TMCO6: variants seen among roughly 807,000 people sequenced by gnomAD.
TMCO6 encodes transmembrane and coiled-coil domains 6.
A neutral mutation model predicts 61.8 loss-of-function variants in TMCO6; 47 were observed. That is an observed-to-expected ratio of 0.76 (90% CI 0.60 to 0.97). The LOEUF (loss-of-function observed/expected upper bound fraction) is 0.97, where lower values mean the gene tolerates loss of function less well. Ranked by LOEUF, TMCO6 falls within the 50% of genes least tolerant of loss-of-function variation. TMCO6 has a pLI of 0.00. For synonymous variants in TMCO6, 261 were observed against 254.2 expected (o/e 1.03, Z -0.25); for missense variants, 557 against 601.6 (o/e 0.93, Z 0.78).
the TMCO6 span, chr5:140,631,823 A>G: frequency 6.6e-7 from 1 of 1,515,178 alleles, no homozygotes; most frequent in Non-Finnish European, 8.9e-7. Flanking sequence ...AAGCCAAGGC[A>G]GTTTGAGTCC....
chr5:140,644,992 A>G lies in TMCO6; in HGVS notation c.1376A>G (p.Gln459Arg). The G allele has an allele frequency of 6.2e-7, 1 of 1,614,130 alleles. No homozygotes were observed. Among genetic ancestry groups the G allele is most frequent in the Non-Finnish European group, 8.5e-7 (1 of 1,180,010 alleles). The change falls in exon 12 of 12, where the codon CAG becomes CGG. Residue 459 changes from glutamine to arginine, a missense_variant. By Grantham distance (43) the Gln-to-Arg change is conservative. Coordinates refer to ENST00000394671, the MANE Select transcript of TMCO6 (RefSeq NM_018502.5). Reference sequence around the variant, plus strand: ...TTTCTTCCCTGCCCCTAGGCTGTTCAGGTCTTCCTGCAGCAGTCAGGGCTG... The same window carrying G: ...TTTCTTCCCTGCCCCTAGGCTGTTCGGGTCTTCCTGCAGCAGTCAGGGCTG... ...LLFLYQPEAV[Q>R]VFLQQSGLQA...
At chr5:140,626,521 C>G in the TMCO6 span, among the ~76,000 whole-genome samples, 2 of 152,200 alleles carry the variant, frequency 1.3e-5, no homozygotes, top group African/African-American at 2.4e-5. Context: ...CTGGCTCAGC[C>G]TCCCAAGTGT....
chr5:140,613,676 T>A, the TMCO6 span, among the ~76,000 whole-genome samples: 4 of 152,142 alleles, frequency 2.6e-5, no homozygotes, highest in African/African-American at 9.7e-5. Context: ...CGTCTACTGT[T>A]TCTATCTTCA....
Position 140,641,980 on chromosome 5 carries a change from C to T in TMCO6, c.425C>T (p.Thr142Ile), listed in dbSNP as rs748723490. 7 of 1,613,750 alleles carry T rather than the reference C, an allele frequency of 4.3e-6. No homozygotes were observed. In the Admixed American group the frequency reaches 5.0e-5, roughly 12 times the overall value. ...GAGCTCTCTCACTCCGAGCAGTCCA[C>T]TGTTGCTGAGGCCTGCCTGCCAGCC... ...LHELSHSEQSTVAEACLPATS... is the reference protein window; with the variant it reads ...LHELSHSEQSIVAEACLPATS... The change falls in exon 4 of 12, where the codon ACT becomes ATT. Residue 142 changes from threonine to isoleucine, a missense_variant. Physicochemically the swap from Thr to Ile is moderately conservative, Grantham distance 89. Transcript: ENST00000394671.
chr5:140,616,508 G>A, the TMCO6 span, among the ~76,000 whole-genome samples: 2 of 152,178 alleles, frequency 1.3e-5, no homozygotes, highest in African/African-American at 4.8e-5. Flanking sequence ...GTTGCAGTGA[G>A]CTATGATCAC....
At chr5:140,620,363 G>A in the TMCO6 span, among the ~76,000 whole-genome samples, 1 of 152,212 alleles carries the variant, frequency 6.6e-6, no homozygotes, top group Admixed American at 6.5e-5. Flanking sequence ...TGCTTGCTAA[G>A]GGTTGCGGGG....
chr5:140,600,776 T>C, the TMCO6 span, among the ~76,000 whole-genome samples: 2 of 152,128 alleles, frequency 1.3e-5, no homozygotes, highest in African/African-American at 4.8e-5. Flanking sequence ...AAAGGGTGAA[T>C]TTATGTGCCT....
chr5:140,624,853 T>A, the TMCO6 span, among the ~76,000 whole-genome samples: 2 of 93,856 alleles, frequency 2.1e-5, no homozygotes, highest in East Asian at 5.0e-4. Context: ...TCTTTCTTTC[T>A]TTCTTTTTTT....
At chr5:140,619,571 TA>T in the TMCO6 span, among the ~76,000 whole-genome samples, 1 of 150,520 alleles carries the variant, frequency 6.6e-6, no homozygotes, top group South Asian at 2.1e-4. Flanking sequence ...AAAAAATGTA[TA>T]AAAACAAACA....
Position 140,645,243 on chromosome 5 carries a change from C to T in TMCO6, c.*145C>T. On this transcript the variant is annotated 3_prime_UTR_variant, in exon 12 of 12. Transcript: ENST00000394671. ...CCAAGACCTTTGGGTCCCAGCTCCT[C>T]CCCTTCCACTCAGCACTATCCAGGC... 1 of 809,776 alleles carries T rather than the reference C, an allele frequency of 1.2e-6. No homozygotes were observed. Among genetic ancestry groups the T allele is most frequent in the East Asian group, 2.7e-5 (1 of 37,592 alleles). 50.2% of individuals were successfully genotyped at this position (809,776 alleles called of 1,614,324 possible).
upstream of TMCO6, chr5:140,639,051 T>C (rs1391437217): frequency 6.0e-6 from 1 of 165,538 alleles, no homozygotes; most frequent in East Asian, 1.9e-4. Flanking sequence ...TCGTTGACAA[T>C]TCAATGACGC....
At chr5:140,644,468 G>C in intron 10 of TMCO6, 105 bp from the exon 11 acceptor site, 1 of 1,358,854 alleles carries the variant, frequency 7.4e-7, no homozygotes, top group South Asian at 1.3e-5. Flanking sequence ...ATGTAGAAGA[G>C]CTTGGCATGG....
At chr5:140,600,119 T>C in the TMCO6 span, among the ~76,000 whole-genome samples, 17 of 152,164 alleles carry the variant, frequency 1.1e-4, no homozygotes, top group African/African-American at 4.1e-4. Flanking sequence ...GAATGGTTTC[T>C]CCAACATCAT....
At chr5:140,647,362 C>G (rs1440146660), downstream of TMCO6, 2 of 1,610,284 alleles carry the variant, frequency 1.2e-6, no homozygotes, top group African/African-American at 2.7e-5. Flanking sequence ...CAATGAAGTC[C>G]CTGCGGGGCC....
intron 2 of TMCO6, 70 bp downstream of exon 2, chr5:140,639,921 T>G: frequency 7.3e-7 from 1 of 1,377,004 alleles, no homozygotes; most frequent in Non-Finnish European, 1.0e-6. Context: ...GTACTCGAGG[T>G]CTGCCCCAAA....
downstream of TMCO6, chr5:140,647,167 G>T: frequency 7.3e-7 from 1 of 1,370,104 alleles, no homozygotes. Flanking sequence ...GTTTCTCCAC[G>T]GGTTTCTGCA....
At chr5:140,609,298 G>A in the TMCO6 span, 1 of 193,876 alleles carries the variant, frequency 5.2e-6, no homozygotes, top group Non-Finnish European at 1.1e-5. Context: ...GGGCCCTCAA[G>A]TTCATCAAGA....
chr5:140,598,279 C>A, the TMCO6 span, among the ~76,000 whole-genome samples: 1 of 151,558 alleles, frequency 6.6e-6, no homozygotes, highest in African/African-American at 2.4e-5. Context: ...TGATATCTCA[C>A]TGCAGCTTTG....
At chr5:140,644,042 T>C in intron 9 of TMCO6, 58 bp from the exon 10 acceptor site, 1 of 1,612,828 alleles carries the variant, frequency 6.2e-7, no homozygotes, top group South Asian at 1.1e-5. Context: ...CTGAGGTGGG[T>C]AGTATTGACA....
Sources: gnomAD v4.1 joint callset for allele counts (sites outside exome capture counted in the v4.1 genomes callset) on GRCh38, gnomAD v4.1.1 for gene constraint, MANE v1.5 for transcripts, NCBI Gene and HGNC (gene_info 2026-07-23, HGNC 2026-07-21) for gene names.